IL19: variants seen among roughly 807,000 people sequenced by gnomAD.
The protein encoded by IL19 is interleukin 19.
In IL19, 15 loss-of-function variants were observed where a neutral mutation model predicts 19.5. The observed-to-expected ratio is 0.77, with a 90% CI of 0.52 to 1.19. The LOEUF (loss-of-function observed/expected upper bound fraction) is 1.19. Among genes scored for constraint, IL19 ranks in the 50% most tolerant of loss-of-function variants. The pLI, the probability that IL19 is intolerant of heterozygous loss-of-function variation, is 0.00. For synonymous variants in IL19, 78 were observed against 78.3 expected, an observed-to-expected ratio of 1.00 and a Z score of 0.02; for missense variants, 199 against 213.1, an observed-to-expected ratio of 0.93 and a Z score of 0.41.
In IL19 at chr1:206,816,169, T is replaced by G. The variant is rs78661646; in HGVS notation, c.-3+17163T>G. ...TGAAAAAATGCATTGCCAGCAGACC[T>G]GCACTAATGTCCTTTAGGCAGGAAG... On this transcript the variant is annotated intron_variant, in intron 2 of 6. Coordinates refer to ENST00000659997, the MANE Select transcript of IL19 (RefSeq NM_153758.5). Among the ~76,000 whole-genome samples, 529 of 152,288 alleles carry G rather than the reference T, an allele frequency of 3.5e-3. 6 individuals carry two copies. Among genetic ancestry groups the G allele is most frequent in the African/African-American group, 0.012 (493 of 41,572 alleles).
At chr1:206,775,533 A>G (rs1337719495) in intron 1 of IL19, among the ~76,000 whole-genome samples, 1 of 152,232 alleles carries the variant, frequency 6.6e-6, no homozygotes, top group South Asian at 2.1e-4. Flanking sequence ...CATTTAGCAT[A>G]TGGAGATAAC....
chr1:206,808,846 TGA>T (rs779174527), intron 2 of IL19, among the ~76,000 whole-genome samples: 10 of 152,072 alleles, frequency 6.6e-5, no homozygotes, highest in Non-Finnish European at 1.2e-4. Flanking sequence ...ACAAAGAAGG[TGA>T]GAGACAGATG....
chr1:206,795,257 T>C (rs1411412550), intron 1 of IL19, among the ~76,000 whole-genome samples: 1 of 152,228 alleles, frequency 6.6e-6, no homozygotes, highest in Non-Finnish European at 1.5e-5. Context: ...ACCTTGAAGC[T>C]GCAGCACTTT....
At chr1:206,820,548 T>C (rs1676266806) in intron 2 of IL19, among the ~76,000 whole-genome samples, 2 of 152,236 alleles carry the variant, frequency 1.3e-5, no homozygotes, top group South Asian at 4.1e-4. Context: ...TTAGCCCTCC[T>C]TGCTGCCCTC....
Position 206,839,771 on chromosome 1 carries a change from C to T in IL19, c.211-79C>T, listed in dbSNP as rs1359447185. 4 of 1,246,862 alleles carry T rather than the reference C, an allele frequency of 3.2e-6. No homozygotes were observed. In the East Asian group the frequency reaches 7.0e-5, roughly 22 times the overall value. 77.2% of individuals were successfully genotyped at this position (1,246,862 alleles called of 1,614,324 possible). Reference sequence around the variant, plus strand: ...TTTTAGTTCTCTCATGTGTCGCTGCCCCTACTCAAATGGACTGCCCTGGTC... The same window carrying T: ...TTTTAGTTCTCTCATGTGTCGCTGCTCCTACTCAAATGGACTGCCCTGGTC... On this transcript the variant is annotated intron_variant, in intron 4 of 6. Transcript: ENST00000659997.
rs369517926 is a variant in IL19 at position 206,823,733 on chromosome 1, A to G, written c.-2-12928A>G. On this transcript the variant is annotated intron_variant, in intron 2 of 6. Transcript: ENST00000659997. ...GGCTGAGAAAAGAAAATGTTATTAA[A>G]CAAACATAACACTCTCCGTTGTCTG... is the stretch of plus-strand genomic sequence containing the variant. Among the ~76,000 whole-genome samples, 22 of 152,314 alleles carry G rather than the reference A, an allele frequency of 1.4e-4. No homozygotes were observed. The East Asian group carries it at 3.9e-3, about 27-fold the overall frequency.
At chr1:206,795,400 G>T (rs1484545295) in intron 1 of IL19, among the ~76,000 whole-genome samples, 1 of 152,182 alleles carries the variant, frequency 6.6e-6, no homozygotes, top group Non-Finnish European at 1.5e-5. Flanking sequence ...GTTTGGTCAG[G>T]GATGAGGTTT....
chr1:206,802,238 A>G (rs1675731321), intron 2 of IL19, among the ~76,000 whole-genome samples: 1 of 152,212 alleles, frequency 6.6e-6, no homozygotes, highest in South Asian at 2.1e-4. Flanking sequence ...ATTAGACTTT[A>G]AAACACATGG....
At chr1:206,779,590 G>A (rs537103160) in intron 1 of IL19, among the ~76,000 whole-genome samples, 3 of 152,196 alleles carry the variant, frequency 2.0e-5, no homozygotes, top group African/African-American at 2.4e-5. Flanking sequence ...CGTTCTCCAC[G>A]TTGTAGCAAG....
chr1:206,800,393 G>A (rs755211722), intron 2 of IL19, among the ~76,000 whole-genome samples: 4 of 152,240 alleles, frequency 2.6e-5, no homozygotes, highest in Non-Finnish European at 5.9e-5. Flanking sequence ...ACAGATGAAT[G>A]CTCCGATATG....
At chr1:206,776,723 C>T (rs1021585486) in intron 1 of IL19, among the ~76,000 whole-genome samples, 11 of 151,854 alleles carry the variant, frequency 7.2e-5, no homozygotes, top group African/African-American at 2.4e-4. Context: ...AGAGAGCTCA[C>T]TAAAATGCTA....
At chr1:206,835,130 C>T (rs1676741412) in intron 2 of IL19, among the ~76,000 whole-genome samples, 2 of 152,220 alleles carry the variant, frequency 1.3e-5, no homozygotes, top group African/African-American at 2.4e-5. Flanking sequence ...TTCTCCTCCA[C>T]AAAATGCGCA....
intron 4 of IL19, 26 bp from the exon 5 acceptor site, chr1:206,839,824 A>G: frequency 6.3e-7 from 1 of 1,591,866 alleles, no homozygotes; most frequent in East Asian, 2.2e-5. Context: ...AGAGGCCTCT[A>G]GTGTTTCCCT....
At chr1:206,827,494 T>C (rs983323835) in intron 2 of IL19, among the ~76,000 whole-genome samples, 3 of 151,962 alleles carry the variant, frequency 2.0e-5, no homozygotes, top group Non-Finnish European at 2.9e-5. Flanking sequence ...ATCGAGACCA[T>C]CCTGGCTAAC....
At chr1:206,833,193 T>C (rs1676669191) in intron 2 of IL19, among the ~76,000 whole-genome samples, 1 of 152,264 alleles carries the variant, frequency 6.6e-6, no homozygotes, top group Non-Finnish European at 1.5e-5. Flanking sequence ...AAAAATAGAA[T>C]GAGTGGTCCC....
chr1:206,836,065 T>C (rs1454469489), intron 2 of IL19, among the ~76,000 whole-genome samples: 1 of 152,236 alleles, frequency 6.6e-6, no homozygotes, highest in Non-Finnish European at 1.5e-5. Context: ...CCCTAGCTCC[T>C]TATTGTGGCT....
At chr1:206,807,935 G>T (rs1675891388) in intron 2 of IL19, among the ~76,000 whole-genome samples, 1 of 152,218 alleles carries the variant, frequency 6.6e-6, no homozygotes, top group Admixed American at 6.5e-5. Flanking sequence ...TTCTATTAAA[G>T]AGATGAACTA....
intron 2 of IL19, among the ~76,000 whole-genome samples, chr1:206,813,807 C>G (rs1676077997): frequency 2.6e-5 from 4 of 152,118 alleles, no homozygotes; most frequent in Admixed American, 2.6e-4. Flanking sequence ...CAGAGCTACA[C>G]TAAATTGACT....
Position 206,811,922 on chromosome 1 carries a change from C to T in IL19, c.-3+12916C>T, listed in dbSNP as rs750980564. The stretch of plus-strand genomic sequence containing the variant: ...AAAAATCTTCTGGCAGCTGTGACTA[C>T]AAAATATGGTGTACTGCATACAACA... On this transcript the variant is annotated intron_variant, in intron 2 of 6. Coordinates refer to ENST00000659997, the MANE Select transcript of IL19 (RefSeq NM_153758.5). Among the ~76,000 whole-genome samples, 29 of 152,176 alleles carry T rather than the reference C, an allele frequency of 1.9e-4. 1 individual carries two copies. The highest frequency in any genetic ancestry group is 3.4e-4 in the Non-Finnish European group (23 of 68,030).
Sources: allele counts gnomAD v4.1 joint callset (sites outside exome capture counted in the v4.1 genomes callset), GRCh38; gene constraint gnomAD v4.1.1; transcripts MANE v1.5; gene names NCBI Gene and HGNC (gene_info 2026-07-23, HGNC 2026-07-21).